The following KDM1A variants were observed in gnomAD, a reference collection of about 807,000 sequenced individuals.
KDM1A encodes the protein lysine-specific histone demethylase 1A.
In KDM1A, 49 loss-of-function variants were observed where a neutral mutation model predicts 109.4. That is an observed-to-expected ratio of 0.45 (90% CI 0.36 to 0.57). KDM1A has a LOEUF of 0.57. Ranked by LOEUF, KDM1A falls within the 20% of genes least tolerant of loss-of-function variation. The pLI is 0.00. For missense variants in KDM1A, 668 were observed against 1,116.6 expected (o/e 0.60, Z 5.73); for synonymous variants, 380 against 415.4 (o/e 0.91, Z 1.04).
Position 23,083,550 on chromosome 1 carries a change from C to A in KDM1A, c.*186C>A. ...GAATGACCTAGAGCACAGGGAGGAA[C>A]TTGTCCATTAGTTTGGAATTGTGTT... On this transcript the variant is annotated 3_prime_UTR_variant, in exon 21 of 21. Transcript: ENST00000400181. The A allele has an allele frequency of 4.1e-6, 2 of 490,944 alleles. No homozygotes were observed. Among genetic ancestry groups the A allele is most frequent in the Non-Finnish European group, 7.2e-6 (2 of 279,208 alleles). 30.4% of individuals were successfully genotyped at this position (490,944 alleles called of 1,614,324 possible).
chr1:23,063,197 G>GGC (rs1553130157), intron 9 of KDM1A, among the ~76,000 whole-genome samples: 1 of 11,406 alleles, frequency 8.8e-5, no homozygotes, highest in African/African-American at 4.3e-4. Context: ...CTGTAGCATT[G>GGC]GGGGGGGGGT....
intron 4 of KDM1A, 107 bp from the exon 5 acceptor site, chr1:23,053,653 TG>T: frequency 1.3e-6 from 1 of 747,194 alleles, no homozygotes; most frequent in Non-Finnish European, 2.3e-6. Context: ...CCCAAACTGC[TG>T]GGATTATAGG....
chr1:23,049,988 A>C (rs1321336083), intron 3 of KDM1A, among the ~76,000 whole-genome samples: 3 of 152,216 alleles, frequency 2.0e-5, no homozygotes, highest in Non-Finnish European at 4.4e-5. Flanking sequence ...TAATCCTAAA[A>C]GAAGGCATGT....
chr1:23,082,165 G>C, intron 19 of KDM1A, 55 bp from the exon 20 acceptor site: 1 of 1,585,092 alleles, frequency 6.3e-7, no homozygotes, highest in Non-Finnish European at 8.6e-7. Flanking sequence ...ACCTTTCAAG[G>C]ATTGATTTGT....
At chr1:23,041,534 C>T (rs1642334808) in intron 2 of KDM1A, among the ~76,000 whole-genome samples, 1 of 149,856 alleles carries the variant, frequency 6.7e-6, no homozygotes, top group Non-Finnish European at 1.5e-5. Flanking sequence ...CCTCCACCTC[C>T]CGAGTTCAAG....
In KDM1A at chr1:23,019,943, C is replaced by A; in HGVS notation, c.347C>A (p.Ala116Glu). ...EGRRTSRRKR[A>E]KVEYREMDES... ...CGTCGGACCAGCCGGCGCAAGCGGG[C>A]GAAGGTAAGGCTCGACCCTTCCCTC... Residue 116 changes from alanine to glutamate, a missense_variant, in exon 1 of 21, where the codon GCG becomes GAG. Physicochemically the swap from Ala to Glu is moderately radical, Grantham distance 107. Around this residue, in one of 8 missense-constraint regions of KDM1A, gnomAD observed 15 missense variants for 52.7 expected, o/e 0.28. Coordinates refer to ENST00000400181, the MANE Select transcript of KDM1A (RefSeq NM_001009999.3). 2 of 1,562,540 alleles carry A rather than the reference C, an allele frequency of 1.3e-6. No homozygotes were observed. Among genetic ancestry groups the A allele is most frequent in the Admixed American group, 3.7e-5 (2 of 53,920 alleles).
At chr1:23,044,349 A>G in intron 2 of KDM1A, 78 bp from the exon 3 acceptor site, 1 of 1,369,024 alleles carries the variant, frequency 7.3e-7, no homozygotes, top group Non-Finnish European at 1.0e-6. Flanking sequence ...ATGAGTCGCC[A>G]ACTATTAGGC....
In KDM1A at chr1:23,030,638, A is replaced by G; in HGVS notation, c.517+4A>G. ...AGTGAGCCTGAAGAACCATCGGGTG[A>G]GTTGTAGTATCCAACCACAGTTCTG... On this transcript the variant is annotated splice_donor_region_variant and intron_variant, in intron 2 of 20. Transcript: ENST00000400181. 6.5e-7 allele frequency: 1 copy of G among 1,538,376 alleles called. No homozygotes were observed. Among genetic ancestry groups the G allele is most frequent in the Non-Finnish European group, 8.7e-7 (1 of 1,150,158 alleles).
chr1:23,027,262 T>C (rs1240559294), intron 1 of KDM1A, among the ~76,000 whole-genome samples: 1 of 152,144 alleles, frequency 6.6e-6, no homozygotes, highest in Non-Finnish European at 1.5e-5. Flanking sequence ...AGTCTTCTTT[T>C]AGCCTTAGAA....
Position 23,083,480 on chromosome 1 carries a change from TC to T in KDM1A, c.*117del. ...TCCACCCTGGCATCTGGGCTCCTGA[TC>T]AGCTGATGGAGCTCCTGATTTGACA... On this transcript the variant is annotated 3_prime_UTR_variant, in exon 21 of 21. Transcript: ENST00000400181. 9.8e-7 allele frequency: 1 copy of T among 1,015,884 alleles called. No individual in the cohort carries two copies. Among genetic ancestry groups the T allele is most frequent in the Non-Finnish European group, 1.4e-6 (1 of 720,164 alleles). 62.9% of individuals were successfully genotyped at this position (1,015,884 alleles called of 1,614,324 possible). A position where few individuals can be genotyped will look rare whatever the true frequency, so the allele number is the denominator to read the frequency against.
chr1:23,041,250 GA>G (rs1642322465), intron 2 of KDM1A, among the ~76,000 whole-genome samples: 1 of 152,084 alleles, frequency 6.6e-6, no homozygotes, highest in South Asian at 2.1e-4. Flanking sequence ...TGATTGGAGT[GA>G]AAATAATAAC....
chr1:23,049,011 G>C (rs992360104), intron 3 of KDM1A, among the ~76,000 whole-genome samples: 7 of 151,794 alleles, frequency 4.6e-5, no homozygotes, highest in South Asian at 2.1e-4. Flanking sequence ...CATTAGCCAG[G>C]CATGGTGGTG....
chr1:23,023,264 G>A (rs756827541), intron 1 of KDM1A, among the ~76,000 whole-genome samples: 1 of 152,162 alleles, frequency 6.6e-6, no homozygotes, highest in Non-Finnish European at 1.5e-5. Context: ...TACTTCTGGT[G>A]TTATATCTAA....
Position 23,082,239 on chromosome 1 carries a change from C to G in KDM1A, c.2318C>G (p.Ser773Cys). ...TTTTAGCCCAAAGAAACTGTGGTGT[C>G]TCGTTGGCGTGCTGATCCCTGGGCT... ...AVPQPKETVV[S>C]RWRADPWARG... The change falls in exon 20 of 21, where the codon TCT becomes TGT. Residue 773 changes from serine (S) to cysteine (C), a missense_variant. This residue lies in a region of KDM1A where 162 missense variants were observed against 376.4 expected (regional missense o/e 0.43). Coordinates refer to ENST00000400181, the MANE Select transcript of KDM1A (RefSeq NM_001009999.3). 1 of 1,613,710 alleles carries G rather than the reference C, an allele frequency of 6.2e-7. No homozygotes were observed. Among genetic ancestry groups the G allele is most frequent in the Non-Finnish European group, 8.5e-7 (1 of 1,179,946 alleles).
intron 1 of KDM1A, among the ~76,000 whole-genome samples, chr1:23,023,300 C>T (rs980961019): frequency 6.6e-6 from 1 of 152,106 alleles, no homozygotes; most frequent in Non-Finnish European, 1.5e-5. Context: ...TCCAATGTCA[C>T]GAGGATTTAC....
At chr1:23,056,796 GTTTTGTTTGCAT>G (rs953675682) in intron 7 of KDM1A, among the ~76,000 whole-genome samples, 8 of 150,180 alleles carry the variant, frequency 5.3e-5, no homozygotes, top group Non-Finnish European at 1.2e-4. Context: ...GTAGGTTTTT[GTTTTGTTTGCAT>G]TTTTGTTTGT....
chr1:23,051,531 C>T (rs1642669527), intron 4 of KDM1A, among the ~76,000 whole-genome samples: 1 of 152,150 alleles, frequency 6.6e-6, no homozygotes, highest in Non-Finnish European at 1.5e-5. Flanking sequence ...TGGCCAAAAC[C>T]ATCTCAGTTC....
chr1:23,033,121 A>G (rs1256142872), intron 2 of KDM1A, among the ~76,000 whole-genome samples: 1 of 152,124 alleles, frequency 6.6e-6, no homozygotes, highest in African/African-American at 2.4e-5. Flanking sequence ...TGGCCTCCCA[A>G]AGTGCTGGGA....
intron 1 of KDM1A, among the ~76,000 whole-genome samples, chr1:23,029,764 C>A (rs753109826): frequency 6.6e-6 from 1 of 152,058 alleles, no homozygotes; most frequent in Non-Finnish European, 1.5e-5. Flanking sequence ...CTCAGCCTCC[C>A]GAGTAGCTGG....
Sources: gnomAD v4.1 joint callset for allele counts (sites outside exome capture counted in the v4.1 genomes callset) on GRCh38, gnomAD v4.1.1 for gene constraint, gnomAD v4.1.1 regional missense constraint, MANE v1.5 for transcripts, NCBI Gene and HGNC (gene_info 2026-07-23, HGNC 2026-07-21) for gene names.